Variants in MYH7B observed in about 807,000 individuals in gnomAD.
MYH7B encodes myosin heavy chain 7B.
A neutral mutation model predicts 234.5 loss-of-function variants in MYH7B; 205 were observed. That is an observed-to-expected ratio of 0.87 (90% CI 0.78 to 0.98). The LOEUF (loss-of-function observed/expected upper bound fraction) is 0.98, where lower values mean the gene tolerates loss of function less well. MYH7B is among the 50% of genes least tolerant of loss of function. The pLI is 0.00. For missense variants in MYH7B, 2,652 were observed against 2,633.4 expected, an observed-to-expected ratio of 1.01 and a Z score of -0.15; for synonymous variants, 1,193 against 1,105.0, an observed-to-expected ratio of 1.08 and a Z score of -1.58.
At chr20:34,982,364 G>C (rs531395503) in intron 9 of MYH7B, 95 bp from the exon 10 acceptor site, 1 of 1,034,646 alleles carries the variant, frequency 9.7e-7, no homozygotes, top group East Asian at 2.5e-5. Context: ...TGGGGGGAAG[G>C]AGAGGTGGAG....
At chr20:34,986,520 G>A (rs900234169) in intron 14 of MYH7B, among the ~76,000 whole-genome samples, 4 of 152,220 alleles carry the variant, frequency 2.6e-5, no homozygotes, top group African/African-American at 4.8e-5. Context: ...TGGCAAGCCC[G>A]TTGAGGGCAG....
intron 24 of MYH7B, 39 bp downstream of exon 24, chr20:34,991,160 A>G (rs752029470): frequency 2.8e-5 from 41 of 1,448,710 alleles, no homozygotes; most frequent in Non-Finnish European, 3.7e-5. Flanking sequence ...CTCCAGGTGG[A>G]GGCCTGAGGG....
chr20:34,976,519 T>C (rs2081855977), intron 3 of MYH7B, among the ~76,000 whole-genome samples: 1 of 152,200 alleles, frequency 6.6e-6, no homozygotes, highest in Non-Finnish European at 1.5e-5. Flanking sequence ...CCCTGACACA[T>C]TCCAAAGACT....
intron 14 of MYH7B, 68 bp from the exon 15 acceptor site, chr20:34,986,818 G>A (rs1569042620): frequency 2.2e-6 from 3 of 1,346,012 alleles, no homozygotes; most frequent in East Asian, 2.3e-5. Flanking sequence ...CCCCTATGCT[G>A]CAATTGTTGT....
At chr20:34,990,481 C>T (rs574290944) in intron 22 of MYH7B, 171 bp downstream of exon 22, 56 of 921,252 alleles carry the variant, frequency 6.1e-5, no homozygotes, top group South Asian at 2.9e-4. Flanking sequence ...CCCGTCCCTA[C>T]GCTGCCTGGG....
At chr20:34,979,595 G>C (rs568364007) in intron 6 of MYH7B, 66 bp from the exon 7 acceptor site, 337 of 1,608,140 alleles carry the variant, frequency 2.1e-4, no homozygotes, top group Admixed American at 4.2e-4. Context: ...TATGTGGGTG[G>C]GGGTGACAGG....
intron 24 of MYH7B, among the ~76,000 whole-genome samples, chr20:34,992,561 G>GC (rs764210438): frequency 4.2e-5 from 5 of 118,326 alleles, no homozygotes; most frequent in Non-Finnish European, 6.8e-5. Flanking sequence ...CCAAGGTTGT[G>GC]TTTTTTTTTT....
Position 34,996,401 on chromosome 20 carries a change from C to A in MYH7B, c.2999C>A (p.Thr1000Asn), listed in dbSNP as rs747592639. Residue 1000 changes from threonine to asparagine, a missense_variant, in exon 29 of 45, where the codon ACC becomes AAC. Transcript: ENST00000262873. ...CTGGACGAGTCAGTGGCCCGGCTGA[C>A]CAAGGAGAAGAAGGCGTTGCAGGAG... is the stretch of plus-strand genomic sequence containing the variant. 3.1e-6 allele frequency: 5 copies of A among 1,612,322 alleles called. No homozygotes were observed. The African/African-American group carries it at 6.7e-5, about 22-fold the overall frequency.
chr20:34,972,416 TC>T (rs1439708694), intron 2 of MYH7B, among the ~76,000 whole-genome samples: 4 of 152,002 alleles, frequency 2.6e-5, no homozygotes, highest in African/African-American at 9.7e-5. Context: ...CAGTATCGCC[TC>T]TTCAGAGAGG....
chr20:34,978,135 G>T, intron 5 of MYH7B, 39 bp downstream of exon 5: 1 of 1,612,036 alleles, frequency 6.2e-7, no homozygotes, highest in African/African-American at 1.3e-5. Context: ...TAGCCACAGA[G>T]ATGCCCTTAT....
exon 45 of MYH7B, chr20:35,002,215 G>A: frequency 6.6e-7 from 1 of 1,510,988 alleles, no homozygotes; most frequent in East Asian, 2.3e-5. Context: ...GCTCTAAAGA[G>A]GAATGTCTGC....
rs183060273 is a variant in MYH7B at position 34,988,223 on chromosome 20, C to T, written c.1548C>T (p.Phe516=). 8.0e-4 allele frequency: 1,294 copies of T among 1,614,076 alleles called. 8 individuals carry two copies. The Middle Eastern group carries it at 0.011, about 14-fold the overall frequency. ...GCATCGACTGGGTCTTCATCGACTT[C>T]GGCCTTGACCTGCAGCCTTGCATCG... The change falls in exon 19 of 45, where the codon TTC becomes TTT. Residue 516 remains phenylalanine (F), a synonymous_variant. Transcript: ENST00000262873.
rs765533929 is a variant in MYH7B at position 34,990,383 on chromosome 20, C to T, written c.1977+73C>T. On this transcript the variant is annotated intron_variant, in intron 22 of 44. Transcript: ENST00000262873. The stretch of plus-strand genomic sequence containing the variant: ...CCCCGTCCTTCACCCCCTGCCCTGT[C>T]CCCTGTGCCTTGGGCGGGCGGCTGT... The T allele has an allele frequency of 2.7e-5, 42 of 1,532,824 alleles. No homozygotes were observed. The South Asian group carries it at 4.4e-4, about 16-fold the overall frequency. The allele number at this position is 1,532,824 out of a possible 1,614,324, so 95.0% of individuals were successfully genotyped here.
In MYH7B at chr20:34,987,553, C is replaced by G; in HGVS notation, c.1148-4C>G. The G allele has an allele frequency of 6.2e-7, 1 of 1,608,396 alleles. No individual in the cohort carries two copies. The highest frequency in any genetic ancestry group is 8.5e-7 in the Non-Finnish European group (1 of 1,176,190). On this transcript the variant is annotated splice_polypyrimidine_tract_variant and splice_region_variant and intron_variant, in intron 16 of 44. Coordinates refer to ENST00000262873, the Ensembl canonical transcript of MYH7B. ...CCTCCCTTACCCCACTCGTGCCCTG[C>G]CAGGTGCTGACAAGGCTGCCTACCT... is the stretch of plus-strand genomic sequence containing the variant.
chr20:34,969,988 G>C (rs528491438), intron 2 of MYH7B, among the ~76,000 whole-genome samples: 16 of 152,132 alleles, frequency 1.1e-4, no homozygotes, highest in Non-Finnish European at 2.1e-4. Flanking sequence ...TAGGAGGTAG[G>C]TCCTGTTTGT....
At chr20:35,001,818 A>G in intron 43 of MYH7B, 130 bp from the exon 44 acceptor site, 6 of 1,383,138 alleles carry the variant, frequency 4.3e-6, no homozygotes, top group Admixed American at 2.2e-5. Flanking sequence ...GGTATTGGTG[A>G]GGATGGACAG....
Position 34,987,972 on chromosome 20 carries a change from G to GT in MYH7B, c.1416+59dup, listed in dbSNP as rs2082062067. 16 of 1,558,054 alleles carry GT rather than the reference G, an allele frequency of 1.0e-5. No individual in the cohort carries two copies. In the South Asian group the frequency reaches 1.1e-4, roughly 11 times the overall value. ...TCTCCAAGGTAGAGGACATGGGCCT[G>GT]TGGGGGGGCAGAAGCCCTGGCCTTC... On this transcript the variant is annotated intron_variant, in intron 18 of 44. Coordinates refer to ENST00000262873, the Ensembl canonical transcript of MYH7B.
At chr20:34,979,404 T>C in exon 6 of MYH7B, 3 of 1,613,472 alleles carry the variant, frequency 1.9e-6, no homozygotes, top group Non-Finnish European at 1.7e-6. Context: ...GAAGCGAGTC[T>C]GGGTGCCTGA....
intron 24 of MYH7B, 108 bp downstream of exon 24, chr20:34,991,229 C>G (rs2082143376): frequency 5.0e-6 from 4 of 800,884 alleles, no homozygotes; most frequent in Admixed American, 5.6e-5. Flanking sequence ...GAGGGGGAAG[C>G]AGGGACTGTG....
Sources: allele counts gnomAD v4.1 joint callset (sites outside exome capture counted in the v4.1 genomes callset), GRCh38; gene constraint gnomAD v4.1.1; transcripts MANE v1.5; gene names NCBI Gene and HGNC (gene_info 2026-07-23, HGNC 2026-07-21).